Variants in CACNA1B observed in about 807,000 individuals in gnomAD.
CACNA1B encodes the protein calcium voltage-gated channel subunit alpha1 B.
A neutral mutation model predicts 247.2 loss-of-function variants in CACNA1B; 70 were observed. The observed-to-expected ratio is 0.28, with a 90% CI of 0.23 to 0.35. CACNA1B has a LOEUF of 0.35. Among genes scored for constraint, CACNA1B ranks in the 10% least tolerant of loss-of-function variants. The pLI is 1.00. For missense variants in CACNA1B, 2,367 were observed against 3,197.4 expected, an observed-to-expected ratio of 0.74 and a Z score of 6.26; for synonymous variants, 1,231 against 1,294.4, an observed-to-expected ratio of 0.95 and a Z score of 1.05.
At position 138,051,561 on chromosome 9, in the gene CACNA1B, T is replaced by C. The variant is rs1959280944; in HGVS notation, c.3711-531T>C. Among the ~76,000 whole-genome samples the C allele has an allele frequency of 6.8e-6, 1 of 146,402 alleles. No individual in the cohort carries two copies. Among genetic ancestry groups the C allele is most frequent in the African/African-American group, 2.5e-5 (1 of 40,034 alleles). ...TCGTCCGACTTTTTCTCTTTCTTAC[T>C]CTCCTTCCCCTCTTCTGTCTTCCCG... is the stretch of plus-strand genomic sequence containing the variant. On this transcript the variant is annotated intron_variant, in intron 24 of 46. Transcript: ENST00000371372. This position sits in a 1 kb window ranked among gnomAD's most constrained non-coding sequence, Gnocchi z 4.3.
chr9:137,928,254 C>T (rs532926909), intron 6 of CACNA1B, among the ~76,000 whole-genome samples: 14 of 152,240 alleles, frequency 9.2e-5, no homozygotes, highest in African/African-American at 1.4e-4. Flanking sequence ...CCCACCACCA[C>T]GCCTGGCTAA....
At chr9:138,009,829 CAG>C (rs1311308780) in intron 16 of CACNA1B, among the ~76,000 whole-genome samples, 179 bp from the exon 17 acceptor site, 1 of 151,926 alleles carries the variant, frequency 6.6e-6, no homozygotes, top group Non-Finnish European at 1.5e-5. Context: ...GAGGATGGAA[CAG>C]GGGGCTGGAG....
At position 138,058,862 on chromosome 9, in the gene CACNA1B, C is replaced by A; in HGVS notation, c.4473+129C>A. On this transcript the variant is annotated intron_variant, in intron 29 of 46. Transcript: ENST00000371372. This position sits in a 1 kb window ranked among gnomAD's most constrained non-coding sequence, Gnocchi z 4.7. ...AAGCAGTAGTGGCCTTGCATCCTGGCCAGCATGGGATGCCTGTGGAATCCT... is the reference window on the plus strand; with the variant it reads ...AAGCAGTAGTGGCCTTGCATCCTGGACAGCATGGGATGCCTGTGGAATCCT... 2 of 866,906 alleles carry A rather than the reference C, an allele frequency of 2.3e-6. No homozygotes were observed. Among genetic ancestry groups the A allele is most frequent in the Non-Finnish European group, 3.7e-6 (2 of 546,964 alleles). 53.7% of individuals were successfully genotyped at this position (866,906 alleles called of 1,614,324 possible). A position where few individuals can be genotyped will look rare whatever the true frequency, so the allele number is the denominator to read the frequency against.
At chr9:138,047,249 A>G (rs1959192857) in intron 22 of CACNA1B, 150 bp from the exon 23 acceptor site, 3 of 720,288 alleles carry the variant, frequency 4.2e-6, no homozygotes, top group Non-Finnish European at 7.1e-6. Flanking sequence ...GGTGCTTGTC[A>G]GAGACCCCCT....
Position 138,052,161 on chromosome 9 carries a change from G to T in CACNA1B, c.3780G>T (p.Lys1260Asn). 6.2e-7 allele frequency: 1 copy of T among 1,611,638 alleles called. No homozygotes were observed. The highest frequency in any genetic ancestry group is 1.1e-5 in the South Asian group (1 of 90,630). The change falls in exon 25 of 47, where the codon AAG becomes AAT. Residue 1260 changes from lysine to asparagine, a missense_variant. Coordinates refer to ENST00000371372, the MANE Select transcript of CACNA1B (RefSeq NM_000718.4). The surrounding 1 kb of genome is among the most constrained non-coding windows in gnomAD (Gnocchi z 5.1). The part of the protein sequence containing the change: ...LRVLRVLRPL[K>N]TIKRLPKLKA... ...TCCTTCGTGTCCTGCGGCCCCTCAA[G>T]ACCATCAAACGGCTGCCCAAGCTCA...
At chr9:138,111,291 C>T (rs1217923142) in intron 39 of CACNA1B, among the ~76,000 whole-genome samples, 1 of 152,240 alleles carries the variant, frequency 6.6e-6, no homozygotes, top group Non-Finnish European at 1.5e-5. Flanking sequence ...ATGGTGCATT[C>T]ATACAATTAA....
chr9:138,029,609 C>CTT (rs11320503), intron 20 of CACNA1B, among the ~76,000 whole-genome samples: 4 of 115,818 alleles, frequency 3.5e-5, no homozygotes, highest in Admixed American at 9.1e-5. Flanking sequence ...TTTTCTTTTC[C>CTT]TTTTTTTTTT....
At chr9:137,975,857 G>C in intron 11 of CACNA1B, 50 bp from the exon 12 acceptor site, 1 of 1,137,584 alleles carries the variant, frequency 8.8e-7, no homozygotes, top group Middle Eastern at 1.9e-4. Context: ...GCTGGAGCCA[G>C]AGTGGGAGGA....
intron 15 of CACNA1B, among the ~76,000 whole-genome samples, chr9:137,987,858 AC>A: frequency 6.6e-6 from 1 of 152,146 alleles, no homozygotes; most frequent in East Asian, 1.9e-4. Flanking sequence ...GGAGCCTATG[AC>A]CCGTCAGCTC....
chr9:138,006,389 G>A (rs1276817088), intron 15 of CACNA1B, among the ~76,000 whole-genome samples: 1 of 152,198 alleles, frequency 6.6e-6, no homozygotes, highest in Non-Finnish European at 1.5e-5. Flanking sequence ...AGTCCCCTGT[G>A]AACCTCGGCT....
At chr9:138,016,537 G>C (rs1453822207) in intron 18 of CACNA1B, among the ~76,000 whole-genome samples, 1 of 152,224 alleles carries the variant, frequency 6.6e-6, no homozygotes. Context: ...GAACCAGAGT[G>C]GGGTCCAGGT....
chr9:138,050,105 C>T lies in CACNA1B; in HGVS notation c.3710+790C>T, dbSNP rs191847324. 49 of 1,288,132 alleles carry T rather than the reference C, an allele frequency of 3.8e-5. No individual in the cohort carries two copies. The East Asian group carries it at 1.7e-3, about 45-fold the overall frequency. The allele number at this position is 1,288,132 out of a possible 1,614,324, so 79.8% of individuals were successfully genotyped here. A position where few individuals can be genotyped will look rare whatever the true frequency, so the allele number is the denominator to read the frequency against. ...TCGTGGGGTAATGCCTTCTCTCCCC[C>T]ACACGCTGCCCCTGACATCACAGCA... On this transcript the variant is annotated intron_variant, in intron 24 of 46. Transcript: ENST00000371372. The surrounding 1 kb of genome is among the most constrained non-coding windows in gnomAD (Gnocchi z 5.2).
chr9:137,921,346 C>G (rs928004349), intron 6 of CACNA1B, among the ~76,000 whole-genome samples: 1 of 151,810 alleles, frequency 6.6e-6, no homozygotes, highest in Admixed American at 6.5e-5. Flanking sequence ...GTAAAGCGTT[C>G]GGAGAACATG....
At chr9:138,036,759 G>T (rs1226180054) in intron 20 of CACNA1B, among the ~76,000 whole-genome samples, 1 of 152,098 alleles carries the variant, frequency 6.6e-6, no homozygotes, top group Non-Finnish European at 1.5e-5. Context: ...CCTGTGCTCC[G>T]TCTCCACCCA....
At chr9:138,093,428 A>AT (rs1960947771) in intron 36 of CACNA1B, among the ~76,000 whole-genome samples, 1 of 145,010 alleles carries the variant, frequency 6.9e-6, no homozygotes, top group Admixed American at 6.8e-5. Flanking sequence ...AAAAAAAAAA[A>AT]GAAGAAGAAG....
In CACNA1B at chr9:138,105,768, G is replaced by T; in HGVS notation, c.5389G>T (p.Ala1797Ser). ...MTVHFTSTLMALIRTALEIKL... is the reference protein window; with the variant it reads ...MTVHFTSTLMSLIRTALEIKL... ...TGTTCACTTCACGTCCACGCTGATG[G>T]CCCTCATCCGGACGGCACTGGAGAT... is the stretch of plus-strand genomic sequence containing the variant. Residue 1797 changes from alanine to serine, a missense_variant, in exon 39 of 47, where the codon GCC becomes TCC. Transcript: ENST00000371372. The T allele has an allele frequency of 6.4e-7, 1 of 1,565,372 alleles. No homozygotes were observed.
intron 3 of CACNA1B, among the ~76,000 whole-genome samples, chr9:137,909,346 G>T (rs1345753233): frequency 6.6e-6 from 1 of 152,112 alleles, no homozygotes; most frequent in Admixed American, 6.6e-5. Context: ...TATTAAGCAA[G>T]AACTCCCCAC....
At chr9:137,969,499 C>A (rs950240995) in intron 10 of CACNA1B, among the ~76,000 whole-genome samples, 8 of 152,188 alleles carry the variant, frequency 5.3e-5, no homozygotes, top group Non-Finnish European at 1.2e-4. Context: ...TTCTTACTGG[C>A]TGGTGGGGAT....
At chr9:137,878,331 G>A in intron 1 of CACNA1B, 114 bp downstream of exon 1, 2 of 962,824 alleles carry the variant, frequency 2.1e-6, no homozygotes, top group Non-Finnish European at 2.7e-6. Flanking sequence ...GTCGGGAGAC[G>A]GGCGAGGGGG....
Sources: gnomAD v4.1 joint callset for allele counts (sites outside exome capture counted in the v4.1 genomes callset) on GRCh38, gnomAD v4.1.1 for gene constraint, Gnocchi (gnomAD v3.1) non-coding constraint, MANE v1.5 for transcripts, NCBI Gene and HGNC (gene_info 2026-07-23, HGNC 2026-07-21) for gene names.